Variants in MEF2C observed in about 807,000 individuals in gnomAD.
MEF2C encodes myocyte enhancer factor 2C, also known as myocyte-specific enhancer factor 2C.
In MEF2C, 6 loss-of-function variants were observed where a neutral mutation model predicts 50.5. That is an observed-to-expected ratio of 0.12 (90% CI 0.07 to 0.23). The LOEUF is 0.23. MEF2C is among the 10% of genes least tolerant of loss of function. MEF2C has a pLI of 1.00. For missense variants in MEF2C, 276 were observed against 605.0 expected, an observed-to-expected ratio of 0.46 and a Z score of 5.70; for synonymous variants, 183 against 228.0, an observed-to-expected ratio of 0.80 and a Z score of 1.78.
chr5:88,731,457 G>T (rs1176794660), intron 7 of MEF2C: 1 of 314,542 alleles, frequency 3.2e-6, no homozygotes, highest in African/African-American at 2.2e-5. Flanking sequence ...ACTATAAATT[G>T]AAAGCCTTAA....
intron 4 of MEF2C, among the ~76,000 whole-genome samples, chr5:88,754,244 G>A (rs1016589447): frequency 2.6e-5 from 4 of 152,166 alleles, no homozygotes; most frequent in East Asian, 3.9e-4. Context: ...CTGAGGCTGC[G>A]TTTCTCTAGC....
rs559424695 is a variant in MEF2C, at chr5:88,785,006, C to A, written c.258+19592G>T. Among the ~76,000 whole-genome samples the A allele has an allele frequency of 5.9e-5, 9 of 152,164 alleles. No homozygotes were observed. In the East Asian group the frequency reaches 9.6e-4, roughly 16 times the overall value. The stretch of plus-strand genomic sequence containing the variant: ...CAAGACGACAAAATGCTTTACAAGA[C>A]GGAAGGAGACCAGAAGAGTCGATGT... On this transcript the variant is annotated intron_variant, in intron 3 of 10. Transcript: ENST00000504921.
At chr5:88,787,493 T>C (rs1003682294) in intron 3 of MEF2C, among the ~76,000 whole-genome samples, 17 of 152,266 alleles carry the variant, frequency 1.1e-4, no homozygotes, top group African/African-American at 3.9e-4. Flanking sequence ...CGCCCTCCGT[T>C]AGAGAATGAG....
intron 2 of MEF2C, among the ~76,000 whole-genome samples, chr5:88,809,719 C>A (rs1027103733): frequency 6.6e-6 from 1 of 151,980 alleles, no homozygotes; most frequent in Non-Finnish European, 1.5e-5. Context: ...TAAATTCAGT[C>A]AAGATGAGTA....
intron 3 of MEF2C, among the ~76,000 whole-genome samples, chr5:88,800,056 A>T (rs1436727196): frequency 6.6e-6 from 1 of 152,206 alleles, no homozygotes; most frequent in Admixed American, 6.5e-5. Flanking sequence ...CTTGTGTTTT[A>T]TTCCCCTTCC....
At chr5:88,885,425 G>A (rs1222440672), upstream of MEF2C, among the ~76,000 whole-genome samples, 1 of 152,106 alleles carries the variant, frequency 6.6e-6, no homozygotes, top group East Asian at 1.9e-4. Context: ...TTTTATTATA[G>A]GAATGCATCA....
intron 3 of MEF2C, among the ~76,000 whole-genome samples, chr5:88,790,744 T>A (rs1313422877): frequency 6.6e-6 from 1 of 152,094 alleles, no homozygotes; most frequent in Admixed American, 6.6e-5. Flanking sequence ...TATTTAAAAA[T>A]TTTATTTATG....
intron 1 of MEF2C, among the ~76,000 whole-genome samples, chr5:88,870,160 A>G (rs1423113592): frequency 6.6e-6 from 1 of 152,066 alleles, no homozygotes; most frequent in Admixed American, 6.6e-5. Context: ...ATTTTAAACA[A>G]TCCTATAAAA....
At chr5:88,889,398 CCT>C in intron 1 of MEF2C, 1 of 154,182 alleles carries the variant, frequency 6.5e-6, no homozygotes, top group South Asian at 2.1e-4. Flanking sequence ...TTCCCCCCCC[CCT>C]TTTCTCCCGG....
At chr5:88,734,233 C>A (rs1762906341) in intron 6 of MEF2C, 4 of 985,254 alleles carry the variant, frequency 4.1e-6, no homozygotes, top group Non-Finnish European at 4.8e-6. Context: ...TTGCTGTCAG[C>A]TGAAGGTCAG....
At chr5:88,736,017 A>G (rs1481537055) in intron 6 of MEF2C, 1 of 985,276 alleles carries the variant, frequency 1.0e-6, no homozygotes, top group Non-Finnish European at 1.2e-6. Flanking sequence ...GACCATGGCT[A>G]ATTCTGCCAT....
chr5:88,848,818 GA>G (rs1347373574), intron 1 of MEF2C, among the ~76,000 whole-genome samples: 1 of 152,100 alleles, frequency 6.6e-6, no homozygotes, highest in Non-Finnish European at 1.5e-5. Flanking sequence ...GTTCTTGGAT[GA>G]CACAAAGATT....
intron 1 of MEF2C, among the ~76,000 whole-genome samples, chr5:88,876,504 G>T (rs1236681152): frequency 1.3e-5 from 2 of 151,892 alleles, no homozygotes; most frequent in Non-Finnish European, 2.9e-5. Flanking sequence ...CTTATTCAGG[G>T]TCGACAATTA....
chr5:88,861,451 TCC>T (rs1825480240), intron 1 of MEF2C, among the ~76,000 whole-genome samples: 1 of 152,178 alleles, frequency 6.6e-6, no homozygotes, highest in South Asian at 2.1e-4. Flanking sequence ...TTGCATTATC[TCC>T]CTTGGATGTG....
At chr5:88,857,902 A>G (rs1011696861) in intron 1 of MEF2C, among the ~76,000 whole-genome samples, 7 of 152,246 alleles carry the variant, frequency 4.6e-5, no homozygotes, top group African/African-American at 1.4e-4. Flanking sequence ...CCTGTAAAGT[A>G]GCTGAATGTG....
chr5:88,864,406 C>T (rs1826563051), intron 1 of MEF2C, among the ~76,000 whole-genome samples: 1 of 151,750 alleles, frequency 6.6e-6, no homozygotes, highest in South Asian at 2.1e-4. Context: ...AGCTCCCAGG[C>T]AGCTCGGAGA....
chr5:88,874,054 G>T (rs1245247318), intron 1 of MEF2C, among the ~76,000 whole-genome samples: 1 of 151,640 alleles, frequency 6.6e-6, no homozygotes, highest in African/African-American at 2.4e-5. Flanking sequence ...ACTTAATAAG[G>T]CTCCTCAAAT....
chr5:88,788,359 C>G (rs1312691342), intron 3 of MEF2C, among the ~76,000 whole-genome samples: 3 of 151,844 alleles, frequency 2.0e-5, no homozygotes, highest in Non-Finnish European at 1.5e-5. Flanking sequence ...TGCCATCACG[C>G]CTGGCTAATT....
intron 10 of MEF2C, 129 bp from the exon 11 acceptor site, chr5:88,723,054 G>GCC: frequency 1.2e-6 from 1 of 841,620 alleles, no homozygotes; most frequent in East Asian, 2.7e-5. Context: ...AAGAAAACGT[G>GCC]CTTGGAAGCA....
Sources: allele counts gnomAD v4.1 joint callset (sites outside exome capture counted in the v4.1 genomes callset), GRCh38; gene constraint gnomAD v4.1.1; transcripts MANE v1.5; gene names NCBI Gene and HGNC (gene_info 2026-07-23, HGNC 2026-07-21).